CTH: variants seen among roughly 807,000 people sequenced by gnomAD.
The protein encoded by CTH is cystathionine gamma-lyase.
In CTH, 41 loss-of-function variants were observed where a neutral mutation model predicts 50.6. That is an observed-to-expected ratio of 0.81 (90% CI 0.63 to 1.05). The LOEUF is 1.05. Ranked by LOEUF, CTH falls within the 50% of genes least tolerant of loss-of-function variation. The pLI is 0.00. For missense variants in CTH, 470 were observed against 492.6 expected, an observed-to-expected ratio of 0.95 and a Z score of 0.43; for synonymous variants, 156 against 168.9, an observed-to-expected ratio of 0.92 and a Z score of 0.59.
At chr1:70,435,692 C>T (rs1268210186) in intron 10 of CTH, among the ~76,000 whole-genome samples, 1 of 151,888 alleles carries the variant, frequency 6.6e-6, no homozygotes, top group African/African-American at 2.4e-5. Context: ...CAAGATAAAT[C>T]CAAACCCTAA....
rs1361255549 is a variant in CTH, at chr1:70,438,845, T to TGTGTGC, written c.1191+24_1191+25insCGTGTG. ...GGCAGCAGTAAGTCTTATTATTGTG[T>TGTGTGC]GTGTGTGTGTGTGTGTGTGTGTGTC... On this transcript the variant is annotated intron_variant, in intron 11 of 11. Transcript: ENST00000370938. 2 of 1,596,370 alleles carry TGTGTGC rather than the reference T, an allele frequency of 1.3e-6. No individual in the cohort carries two copies. Among genetic ancestry groups the TGTGTGC allele is most frequent in the Middle Eastern group, 1.7e-4 (1 of 6,022 alleles).
chr1:70,435,200 C>T (rs1484879680), intron 10 of CTH, 23 bp downstream of exon 10: 2 of 1,605,562 alleles, frequency 1.2e-6, no homozygotes, highest in African/African-American at 1.3e-5. Flanking sequence ...CTGTTTTTCT[C>T]AGTATTTTAA....
intron 2 of CTH, among the ~76,000 whole-genome samples, chr1:70,417,074 C>T (rs1684109082): frequency 6.6e-6 from 1 of 152,028 alleles, no homozygotes; most frequent in African/African-American, 2.4e-5. Flanking sequence ...TGGTCAATAA[C>T]TCCTGATAAT....
chr1:70,417,239 G>C (rs942111149), intron 2 of CTH, among the ~76,000 whole-genome samples: 1 of 151,594 alleles, frequency 6.6e-6, no homozygotes, highest in African/African-American at 2.4e-5. Context: ...TATAATTAAC[G>C]TATGAATCAT....
intron 1 of CTH, among the ~76,000 whole-genome samples, chr1:70,415,671 T>G (rs1486386118): frequency 2.0e-5 from 3 of 152,248 alleles, no homozygotes; most frequent in Non-Finnish European, 4.4e-5. Flanking sequence ...ATCTGTATTT[T>G]ATTCCCATTT....
chr1:70,429,795 G>T lies in CTH; in HGVS notation c.590G>T (p.Arg197Leu). 2.5e-6 allele frequency: 4 copies of T among 1,610,680 alleles called. No individual in the cohort carries two copies. The highest frequency in any genetic ancestry group is 3.4e-6 in the Non-Finnish European group (4 of 1,177,276). ...DNTFMSPYFQ[R>L]PLALGADISM... ...AAAGTAAAAAACTTGTTCTTTCAGC[G>T]CCCTTTGGCTCTGGGAGCTGATATT... The change falls in exon 6 of 12, where the codon CGC becomes CTC. Residue 197 changes from arginine (R) to leucine (L), a missense_variant and splice_region_variant. Arg to Leu is a moderately radical substitution (Grantham distance 102, BLOSUM62 -2). Transcript: ENST00000370938.
At chr1:70,436,668 TA>T (rs35782843) in intron 10 of CTH, among the ~76,000 whole-genome samples, 32,691 of 143,432 alleles carry the variant, frequency 0.23, 4,141 homozygotes, top group Non-Finnish European at 0.31. Flanking sequence ...CTCACCAAGT[TA>T]AAAAAAAAAA....
intron 5 of CTH, among the ~76,000 whole-genome samples, chr1:70,427,601 A>C (rs1023566804): frequency 1.4e-4 from 22 of 152,182 alleles, no homozygotes; most frequent in African/African-American, 5.1e-4. Context: ...TCCCATAGCC[A>C]CCTATACTAA....
At chr1:70,436,538 A>G (rs1465444583) in intron 10 of CTH, among the ~76,000 whole-genome samples, 1 of 152,144 alleles carries the variant, frequency 6.6e-6, no homozygotes, top group African/African-American at 2.4e-5. Flanking sequence ...ATTTTTATAA[A>G]CATTTATGGA....
Position 70,439,125 on chromosome 1 carries a change from T to C in CTH, c.1216T>C (p.Ter406GlnextTer12). The C allele has an allele frequency of 6.2e-7, 1 of 1,611,520 alleles. No individual in the cohort carries two copies. Among genetic ancestry groups the C allele is most frequent in the Non-Finnish European group, 8.5e-7 (1 of 1,177,594 alleles). Residue 406 changes from the stop codon to glutamine, a stop_lost, in exon 12 of 12, where the codon TAG becomes CAG. Coordinates refer to ENST00000370938, the MANE Select transcript of CTH (RefSeq NM_001902.6). ...AAHPPSGSHS[*>Q] ...GCACCCTCCAAGTGGAAGTCACAGC[T>C]AGTATTCCAGAGCTGCTATTAGAAG...
intron 5 of CTH, among the ~76,000 whole-genome samples, chr1:70,425,150 CTCT>C (rs1304429859): frequency 1.3e-5 from 2 of 152,022 alleles, no homozygotes; most frequent in Admixed American, 6.5e-5. Context: ...CATATTATTT[CTCT>C]TCTTCTAGTT....
At chr1:70,431,961 A>G in intron 7 of CTH, 122 bp from the exon 8 acceptor site, 2 of 963,814 alleles carry the variant, frequency 2.1e-6, no homozygotes, top group African/African-American at 1.6e-5. Flanking sequence ...TTTTCCTCCT[A>G]GAACTCAAAC....
intron 1 of CTH, 47 bp downstream of exon 1, chr1:70,411,630 G>C: frequency 3.8e-6 from 6 of 1,585,844 alleles, no homozygotes; most frequent in Non-Finnish European, 5.1e-6. Context: ...CGGTAAAAGA[G>C]ATACGGCTTA....
chr1:70,437,888 T>C (rs1444719340), intron 10 of CTH, among the ~76,000 whole-genome samples: 3 of 152,248 alleles, frequency 2.0e-5, no homozygotes, highest in Non-Finnish European at 1.5e-5. Context: ...TCCTCCATTA[T>C]TCTTCACAGA....
At chr1:70,434,007 ATC>A in intron 9 of CTH, 58 bp downstream of exon 9, 1 of 1,607,844 alleles carries the variant, frequency 6.2e-7, no homozygotes, top group Non-Finnish European at 8.5e-7. Context: ...GCAGTTCACT[ATC>A]TCTCACTTCT....
intron 1 of CTH, 24 bp from the exon 2 acceptor site, chr1:70,415,932 T>C: frequency 7.4e-7 from 1 of 1,344,354 alleles, no homozygotes. Context: ...TCTCTTAGGA[T>C]GAACTCGAAC....
At chr1:70,429,955 T>G (rs960430597) in intron 6 of CTH, 104 bp downstream of exon 6, 4 of 856,432 alleles carry the variant, frequency 4.7e-6, no homozygotes, top group Non-Finnish European at 7.8e-6. Context: ...TTATTTCCTG[T>G]GACTCATAGA....
intron 10 of CTH, among the ~76,000 whole-genome samples, chr1:70,436,224 A>T (rs776723309): frequency 1.3e-5 from 2 of 152,094 alleles, no homozygotes; most frequent in Non-Finnish European, 2.9e-5. Context: ...AGGCACGAGA[A>T]TCGCTTGAAC....
At chr1:70,434,594 G>A (rs1169683107) in intron 9 of CTH, among the ~76,000 whole-genome samples, 2 of 151,334 alleles carry the variant, frequency 1.3e-5, no homozygotes, top group African/African-American at 2.4e-5. Flanking sequence ...CATAAAAACA[G>A]TGGTTTTTTT....
Sources: allele counts gnomAD v4.1 joint callset (sites outside exome capture counted in the v4.1 genomes callset), GRCh38; gene constraint gnomAD v4.1.1; transcripts MANE v1.5; gene names NCBI Gene and HGNC (gene_info 2026-07-23, HGNC 2026-07-21).